Variants in GSTM4 observed in about 807,000 individuals in gnomAD.
GSTM4 encodes GST class-mu 4.
In GSTM4, 27 loss-of-function variants were observed where a neutral mutation model predicts 30.1. The ratio of observed to expected loss-of-function variants is 0.90; its 90% CI spans 0.66 to 1.24. The LOEUF is 1.24. Among genes scored for constraint, GSTM4 ranks in the 50% most tolerant of loss-of-function variants. The pLI, the probability that GSTM4 is intolerant of heterozygous loss-of-function variation, is 0.00. For missense variants in GSTM4, 238 were observed against 272.1 expected, an observed-to-expected ratio of 0.87 and a Z score of 0.88; for synonymous variants, 94 against 96.2, an observed-to-expected ratio of 0.98 and a Z score of 0.13.
chr1:109,659,028 A>G lies in GSTM4; in HGVS notation c.485A>G (p.Asp162Gly), dbSNP rs762151698. 10 of 1,614,152 alleles carry G rather than the reference A, an allele frequency of 6.2e-6. No individual in the cohort carries two copies. Among genetic ancestry groups the G allele is most frequent in the Non-Finnish European group, 8.5e-6 (10 of 1,180,022 alleles). Reference sequence around the variant, plus strand: ...ACCTTTGTAGATTTCCTCGCCTATGATGTCCTTGACCTCCACCGTATATTT... The same window carrying G: ...ACCTTTGTAGATTTCCTCGCCTATGGTGTCCTTGACCTCCACCGTATATTT... ...KITFVDFLAY[D>G]VLDLHRIFEP... Residue 162 changes from aspartate (D) to glycine (G), a missense_variant, in exon 7 of 8, where the codon GAT (aspartate) becomes GGT (glycine). Physicochemically the swap from Asp to Gly is moderately conservative, Grantham distance 94. Coordinates refer to ENST00000369836, the MANE Select transcript of GSTM4 (RefSeq NM_000850.5).
intron 3 of GSTM4, 122 bp from the exon 4 acceptor site, chr1:109,657,468 G>C (rs994003625): frequency 2.6e-5 from 39 of 1,489,690 alleles, no homozygotes; most frequent in Middle Eastern, 2.1e-4. Context: ...GTATTTCTAT[G>C]TCAGGCCTGC....
In GSTM4 at chr1:109,661,593, C is replaced by A; in HGVS notation, c.*339C>A. On this transcript the variant is annotated 3_prime_UTR_variant, in exon 8 of 8. Transcript: ENST00000369836. ...GGCCCCTCGCCTGTGGAGCTCAGCC[C>A]TGAGCTGTCCCCGTGTTGCATGACA... is the stretch of plus-strand genomic sequence containing the variant. The A allele has an allele frequency of 8.0e-7, 1 of 1,254,724 alleles. No homozygotes were observed. The highest frequency in any genetic ancestry group is 1.0e-6 in the Non-Finnish European group (1 of 988,860). The allele number at this position is 1,254,724 out of a possible 1,614,324, so 77.7% of individuals were successfully genotyped here.
rs1651977725 is a variant in GSTM4, at chr1:109,656,333, G to A, written c.-57G>A. On this transcript the variant is annotated 5_prime_UTR_variant, in exon 1 of 8. Coordinates refer to ENST00000369836, the MANE Select transcript of GSTM4 (RefSeq NM_000850.5). The stretch of plus-strand genomic sequence containing the variant: ...CCCCTGCGTGCCGGGAACCCCAGAG[G>A]AGGTCGCAGTTCAGCCCAGCTGAGG... 6.4e-7 allele frequency: 1 copy of A among 1,569,998 alleles called. No homozygotes were observed.
At chr1:109,665,608 C>A (rs1329066588), downstream of GSTM4, 1 of 152,326 alleles carries the variant, frequency 6.6e-6, no homozygotes, top group African/African-American at 2.4e-5. Flanking sequence ...CACACAAAAA[C>A]TCATCATCAA....
chr1:109,660,798 G>C, intron 7 of GSTM4: 1 of 279,804 alleles, frequency 3.6e-6, no homozygotes, highest in South Asian at 4.2e-5. Context: ...GTAGCTATTT[G>C]AGTGTGAGGA....
chr1:109,657,725 GATTGGGGT>G (rs1652096348), intron 4 of GSTM4, 39 bp from the exon 5 acceptor site: 1 of 1,613,916 alleles, frequency 6.2e-7, no homozygotes, highest in South Asian at 1.1e-5. Context: ...TCCTTGGCTG[GATTGGGGT>G]GCTATGCTCA....
rs1445675117 is a variant in GSTM4 at position 109,656,405 on chromosome 1, G to C, written c.16G>C (p.Gly6Arg). 1 of 1,613,990 alleles carries C rather than the reference G, an allele frequency of 6.2e-7. No individual in the cohort carries two copies. Among genetic ancestry groups the C allele is most frequent in the Non-Finnish European group, 8.5e-7 (1 of 1,179,896 alleles). The change falls in exon 1 of 8, where the codon GGG (glycine) becomes CGG (arginine). Residue 6 changes from glycine (G) to arginine (R), a missense_variant. Gly to Arg is a moderately radical substitution (Grantham distance 125, BLOSUM62 -2). Transcript: ENST00000369836. ...AACCAGCATCATGTCCATGACACTG[G>C]GGTACTGGGACATCCGCGGGGTGAG... is the stretch of plus-strand genomic sequence containing the variant. MSMTL[G>R]YWDIRGLAHA... is the part of the protein sequence containing the mutation.
intron 2 of GSTM4, 128 bp downstream of exon 2, chr1:109,656,915 G>A (rs1239488868): frequency 1.1e-5 from 11 of 1,005,664 alleles, no homozygotes; most frequent in Non-Finnish European, 1.6e-5. Context: ...CCTTCCCTGA[G>A]CCCCGGTGAG....
At chr1:109,657,306 G>A in intron 3 of GSTM4, 27 bp downstream of exon 3, 1 of 1,610,306 alleles carries the variant, frequency 6.2e-7, no homozygotes, top group Non-Finnish European at 8.5e-7. Context: ...GGGCGGTTTT[G>A]GGGGAAAGTG....
intron 2 of GSTM4, 119 bp from the exon 3 acceptor site, chr1:109,657,096 T>TG (rs1652036811): frequency 1.0e-6 from 1 of 988,738 alleles, no homozygotes; most frequent in South Asian, 1.3e-5. Context: ...TGGGACTGAG[T>TG]GGTCAGATTC....
downstream of GSTM4, among the ~76,000 whole-genome samples, chr1:109,661,924 G>A (rs1300484460): frequency 6.6e-6 from 1 of 152,012 alleles, no homozygotes; most frequent in Non-Finnish European, 1.5e-5. Context: ...TCCAGTCCTG[G>A]GCTCAAGAAT....
rs370713591 is a variant in GSTM4 at position 109,657,289 on chromosome 1, G to A, written c.177+10G>A. ...CCTGGACTTTCCCAATGTAGGTGCAGGGGAAGGGGCGGTTTTGGGGGAAAG... is the reference window on the plus strand; with the variant it reads ...CCTGGACTTTCCCAATGTAGGTGCAAGGGAAGGGGCGGTTTTGGGGGAAAG... On this transcript the variant is annotated intron_variant, in intron 3 of 7. Transcript: ENST00000369836. 1.4e-4 allele frequency: 228 copies of A among 1,612,222 alleles called. No homozygotes were observed. The African/African-American group carries it at 2.9e-3, about 21-fold the overall frequency.
intron 7 of GSTM4, chr1:109,660,780 C>A: frequency 4.1e-6 from 1 of 246,714 alleles, no homozygotes; most frequent in Non-Finnish European, 7.9e-6. Flanking sequence ...GCAGCTCTGT[C>A]CCCCTTAGTA....
chr1:109,660,944 A>G (rs1163072276), intron 7 of GSTM4: 26 of 586,962 alleles, frequency 4.4e-5, no homozygotes, highest in Middle Eastern at 4.7e-4. Context: ...TAGAATCTTC[A>G]TAAGTGTTAG....
downstream of GSTM4, chr1:109,665,463 G>A (rs566011370): frequency 5.6e-6 from 1 of 177,706 alleles, no homozygotes; most frequent in East Asian, 1.5e-4. Flanking sequence ...ATAACAGATA[G>A]ATAAATTTAT....
chr1:109,664,845 G>T (rs1223213491), downstream of GSTM4, among the ~76,000 whole-genome samples: 2 of 152,068 alleles, frequency 1.3e-5, no homozygotes, highest in African/African-American at 4.8e-5. Flanking sequence ...ATGAATCACA[G>T]TCTATGAATC....
intron 1 of GSTM4, 132 bp from the exon 2 acceptor site, chr1:109,656,580 G>GTGTGTGTC: frequency 2.7e-6 from 2 of 742,316 alleles, no homozygotes; most frequent in Non-Finnish European, 4.6e-6. Context: ...GTGTGTGTGT[G>GTGTGTGTC]TGTGTGTGTG....
chr1:109,666,819 T>C (rs473682), downstream of GSTM4, among the ~76,000 whole-genome samples: 79,794 of 151,622 alleles, frequency 0.53, 21,242 homozygotes, highest in East Asian at 0.65. Context: ...TCCACCTCCC[T>C]GGTTCAAGCG....
intron 3 of GSTM4, 129 bp downstream of exon 3, chr1:109,657,408 C>A: frequency 7.0e-7 from 1 of 1,420,688 alleles, no homozygotes; most frequent in Non-Finnish European, 9.9e-7. Flanking sequence ...TGGTTGTCTA[C>A]ACAGCCCCTG....
Sources: allele counts gnomAD v4.1 joint callset (sites outside exome capture counted in the v4.1 genomes callset), GRCh38; gene constraint gnomAD v4.1.1; transcripts MANE v1.5; gene names NCBI Gene and HGNC (gene_info 2026-07-23, HGNC 2026-07-21).